AGMO: variants seen among roughly 807,000 people sequenced by gnomAD.
The protein encoded by AGMO is alkylglycerol monooxygenase, also known as glyceryl-ether monooxygenase.
Under a neutral mutation model 60.2 loss-of-function variants are expected in AGMO, and 75 were observed. The ratio of observed to expected loss-of-function variants is 1.25; its 90% CI spans 1.03 to 1.51. AGMO has a LOEUF of 1.51. AGMO is among the 40% of genes most tolerant of loss of function. The pLI, the probability that AGMO is intolerant of heterozygous loss-of-function variation, is 0.00. For synonymous variants in AGMO, 261 were observed against 177.1 expected, an observed-to-expected ratio of 1.47 and a Z score of -3.76; for missense variants, 763 against 525.5, an observed-to-expected ratio of 1.45 and a Z score of -4.42.
chr7:15,280,420 A>G (rs1238771673), intron 12 of AGMO, among the ~76,000 whole-genome samples: 1 of 152,098 alleles, frequency 6.6e-6, no homozygotes, highest in African/African-American at 2.4e-5. Context: ...CTGCCCCCTC[A>G]CACCACAGGG....
intron 4 of AGMO, among the ~76,000 whole-genome samples, chr7:15,430,095 G>A (rs1781184513): frequency 6.6e-6 from 1 of 151,888 alleles, no homozygotes; most frequent in South Asian, 2.1e-4. Context: ...TGTGTATGAA[G>A]GCTGTTGTGA....
intron 10 of AGMO, among the ~76,000 whole-genome samples, chr7:15,368,034 G>T (rs1033395796): frequency 6.6e-6 from 1 of 152,018 alleles, no homozygotes; most frequent in Admixed American, 6.6e-5. Flanking sequence ...TTCCTGGAAT[G>T]GCAGCCAGAA....
At chr7:15,396,832 G>C (rs1008870078) in intron 5 of AGMO, among the ~76,000 whole-genome samples, 1 of 152,178 alleles carries the variant, frequency 6.6e-6, no homozygotes, top group Non-Finnish European at 1.5e-5. Flanking sequence ...TTTTGAGAGA[G>C]TGCTGAGTGG....
chr7:15,214,331 T>A (rs996084867), intron 12 of AGMO, among the ~76,000 whole-genome samples: 1 of 152,014 alleles, frequency 6.6e-6, no homozygotes, highest in Non-Finnish European at 1.5e-5. Flanking sequence ...AATGTGTTAA[T>A]AATTCTCATG....
intron 12 of AGMO, among the ~76,000 whole-genome samples, chr7:15,351,785 G>A (rs1011982015): frequency 1.3e-5 from 2 of 152,134 alleles, no homozygotes; most frequent in Non-Finnish European, 2.9e-5. Flanking sequence ...TATACGGCTA[G>A]AGATAAAAAC....
chr7:15,561,017 T>A lies in AGMO; in HGVS notation c.126+703A>T, dbSNP rs554386753. Among the ~76,000 whole-genome samples, 501 of 152,316 alleles carry A rather than the reference T, an allele frequency of 3.3e-3. 4 individuals are homozygous for A. The highest frequency in any genetic ancestry group is 0.011 in the African/African-American group (472 of 41,578). On this transcript the variant is annotated intron_variant, in intron 1 of 12. Coordinates refer to ENST00000342526, the MANE Select transcript of AGMO (RefSeq NM_001004320.2). Reference sequence around the variant, plus strand: ...CGGATTTTACTCATTTGGAAGCTAATCATGAGTTTTGAAGCTTTCTAAACT... The same window carrying A: ...CGGATTTTACTCATTTGGAAGCTAAACATGAGTTTTGAAGCTTTCTAAACT...
intron 12 of AGMO, among the ~76,000 whole-genome samples, chr7:15,234,323 A>G (rs1563047449): frequency 6.6e-6 from 1 of 152,096 alleles, no homozygotes; most frequent in Non-Finnish European, 1.5e-5. Flanking sequence ...TATCTCTCCC[A>G]AGGTTAGTGT....
intron 6 of AGMO, among the ~76,000 whole-genome samples, chr7:15,393,875 G>A (rs781405482): frequency 3.0e-4 from 46 of 152,218 alleles, no homozygotes; most frequent in Non-Finnish European, 5.7e-4. Flanking sequence ...GATTTAGGTA[G>A]AAAGAAAAAT....
chr7:15,166,608 A>C, the AGMO span, among the ~76,000 whole-genome samples: 7 of 152,186 alleles, frequency 4.6e-5, no homozygotes, highest in African/African-American at 1.7e-4. Context: ...TATATTAAGA[A>C]GATTACTTAA....
intron 5 of AGMO, among the ~76,000 whole-genome samples, chr7:15,394,479 G>A (rs376815041): frequency 6.6e-6 from 1 of 152,204 alleles, no homozygotes; most frequent in African/African-American, 2.4e-5. Flanking sequence ...AAACGACTAG[G>A]TTTTCATATC....
intron 5 of AGMO, among the ~76,000 whole-genome samples, chr7:15,414,142 GA>G (rs1294750090): frequency 6.6e-6 from 1 of 151,912 alleles, no homozygotes; most frequent in Admixed American, 6.6e-5. Flanking sequence ...CAGGTAGAAG[GA>G]ACTACAGGTG....
intron 12 of AGMO, among the ~76,000 whole-genome samples, chr7:15,258,371 GTTGATTCACTGTCTGTATTTAAAAATAC>G (rs1286259677): frequency 6.6e-6 from 1 of 151,468 alleles, no homozygotes; most frequent in Non-Finnish European, 1.5e-5. Flanking sequence ...CAAATTACCT[GTTGATTCACTGTCTGTATTTAAAAATAC>G]TGATTCGTGG....
At chr7:15,554,523 C>T (rs1785071784) in intron 2 of AGMO, among the ~76,000 whole-genome samples, 1 of 152,010 alleles carries the variant, frequency 6.6e-6, no homozygotes, top group African/African-American at 2.4e-5. Flanking sequence ...TGAATTCCCC[C>T]AAACAGCAGT....
intron 3 of AGMO, among the ~76,000 whole-genome samples, chr7:15,482,778 T>C (rs1782794623): frequency 6.6e-6 from 1 of 152,206 alleles, no homozygotes; most frequent in African/African-American, 2.4e-5. Context: ...AAGGATAGTA[T>C]GGCATGGGCA....
At chr7:15,396,141 C>T (rs1784371171) in intron 5 of AGMO, 1 of 152,262 alleles carries the variant, frequency 6.6e-6, no homozygotes, top group African/African-American at 2.4e-5. Context: ...ATGCAAAAGA[C>T]TGTAAACCTT....
At chr7:15,555,764 C>A (rs1364417411) in intron 2 of AGMO, among the ~76,000 whole-genome samples, 2 of 151,790 alleles carry the variant, frequency 1.3e-5, no homozygotes, top group Admixed American at 6.6e-5. Context: ...TTGCATTCAC[C>A]AGGGAAGGTT....
intron 3 of AGMO, among the ~76,000 whole-genome samples, chr7:15,448,195 C>T (rs371448702): frequency 3.3e-5 from 5 of 152,232 alleles, no homozygotes; most frequent in African/African-American, 7.2e-5. Context: ...AATCCTTACC[C>T]GAGAGGTGAT....
intron 12 of AGMO, among the ~76,000 whole-genome samples, chr7:15,354,509 T>TATA (rs1782441947): frequency 1.4e-5 from 1 of 71,828 alleles, no homozygotes; most frequent in Non-Finnish European, 2.6e-5. Context: ...TATATATATA[T>TATA]ATATATATAT....
At chr7:15,216,983 C>A (rs755073857) in intron 12 of AGMO, among the ~76,000 whole-genome samples, 1 of 151,872 alleles carries the variant, frequency 6.6e-6, no homozygotes, top group Non-Finnish European at 1.5e-5. Context: ...TTCACAGACA[C>A]AAAACTCTCT....
Sources: allele counts gnomAD v4.1 joint callset (sites outside exome capture counted in the v4.1 genomes callset), GRCh38; gene constraint gnomAD v4.1.1; transcripts MANE v1.5; gene names NCBI Gene and HGNC (gene_info 2026-07-23, HGNC 2026-07-21).